Variants in ADCK1 observed in about 807,000 individuals in gnomAD.
ADCK1 encodes aarF domain containing kinase 1.
Under a neutral mutation model 52.3 loss-of-function variants are expected in ADCK1, and 41 were observed. The observed-to-expected ratio is 0.78, with a 90% CI of 0.61 to 1.02. ADCK1 has a LOEUF of 1.02. Ranked by LOEUF, ADCK1 falls within the 50% of genes least tolerant of loss-of-function variation. The pLI, the probability that ADCK1 is intolerant of heterozygous loss-of-function variation, is 0.00. For missense variants in ADCK1, 658 were observed against 679.5 expected (o/e 0.97, Z 0.35); for synonymous variants, 250 against 274.6 (o/e 0.91, Z 0.89).
intron 4 of ADCK1, among the ~76,000 whole-genome samples, chr14:77,871,549 G>C (rs943984399): frequency 1.3e-5 from 2 of 152,068 alleles, no homozygotes; most frequent in East Asian, 3.9e-4. Flanking sequence ...GTAGAGACAG[G>C]GTTTCTCCAT....
chr14:77,808,428 T>G (rs2081273276), intron 1 of ADCK1, among the ~76,000 whole-genome samples: 1 of 152,176 alleles, frequency 6.6e-6, no homozygotes, highest in Non-Finnish European at 1.5e-5. Context: ...AAGGCAGATT[T>G]CTGGATCAAT....
intron 1 of ADCK1, among the ~76,000 whole-genome samples, chr14:77,817,960 G>C (rs932246550): frequency 5.9e-5 from 9 of 151,332 alleles, no homozygotes; most frequent in South Asian, 2.1e-4. Context: ...GGATGGTCTT[G>C]ATCTCCTGAC....
chr14:77,918,624 C>T (rs1033012930), intron 7 of ADCK1, among the ~76,000 whole-genome samples: 4 of 152,146 alleles, frequency 2.6e-5, no homozygotes, highest in African/African-American at 9.7e-5. Context: ...GGGCTGGCTT[C>T]CCTCTTCTGG....
chr14:77,862,574 T>C (rs1230436192), intron 4 of ADCK1, among the ~76,000 whole-genome samples: 1 of 152,210 alleles, frequency 6.6e-6, no homozygotes, highest in Non-Finnish European at 1.5e-5. Flanking sequence ...CACGAGGCTG[T>C]TGACCACCCT....
Position 77,872,382 on chromosome 14 carries a change from G to A in ADCK1, c.423+13103G>A, listed in dbSNP as rs568379029. On this transcript the variant is annotated intron_variant, in intron 4 of 10. Transcript: ENST00000238561. ...ACCCGAGAGATCTGTCTGCGAGGTTGGGCGGGGCCAGCACCTTTCCTCTGA... is the reference window on the plus strand; with the variant it reads ...ACCCGAGAGATCTGTCTGCGAGGTTAGGCGGGGCCAGCACCTTTCCTCTGA... Among the ~76,000 whole-genome samples, 5 of 152,322 alleles carry A rather than the reference G, an allele frequency of 3.3e-5. No homozygotes were observed. The South Asian group carries it at 8.3e-4, about 25-fold the overall frequency.
At chr14:77,849,997 C>A (rs57583194) in intron 3 of ADCK1, among the ~76,000 whole-genome samples, 15 of 151,962 alleles carry the variant, frequency 9.9e-5, no homozygotes, top group Middle Eastern at 3.4e-3. Context: ...GCCTGGGCAA[C>A]ATAGTGAGAC....
rs1451303049 is a variant in ADCK1, at chr14:77,813,777, T to TG, written c.-11-5190dup. Among the ~76,000 whole-genome samples the TG allele has an allele frequency of 1.4e-3, 205 of 151,678 alleles. 1 individual carries two copies. The highest frequency in any genetic ancestry group is 4.5e-3 in the African/African-American group (185 of 41,310). Reference sequence around the variant, plus strand: ...TCTCTTTGTTTTCCTGTTTTTTTTTTGTTTTTTTTTTGAGGAGTCTCATGC... The same window carrying TG: ...TCTCTTTGTTTTCCTGTTTTTTTTTTGGTTTTTTTTTTGAGGAGTCTCATGC... On this transcript the variant is annotated intron_variant, in intron 1 of 10. Transcript: ENST00000238561.
At chr14:77,885,846 G>A (rs1566700901) in intron 4 of ADCK1, among the ~76,000 whole-genome samples, 1 of 152,198 alleles carries the variant, frequency 6.6e-6, no homozygotes, top group Non-Finnish European at 1.5e-5. Context: ...TTTCAGCCTT[G>A]GCCAATCTTG....
Position 77,841,783 on chromosome 14 carries a change from G to A in ADCK1, c.220-17293G>A, listed in dbSNP as rs2082073077. ...AGCTTGAACTTGGGAGATGGAGGTT[G>A]CACTGAGCCGAGATCACACCACTGC... is the stretch of plus-strand genomic sequence containing the variant. On this transcript the variant is annotated intron_variant, in intron 3 of 10. Coordinates refer to ENST00000238561, the MANE Select transcript of ADCK1 (RefSeq NM_020421.4). 2.7e-5 allele frequency among the ~76,000 whole-genome samples: 4 copies of A among 147,006 alleles called. No homozygotes were observed. The South Asian group carries it at 8.6e-4, about 32-fold the overall frequency.
At chr14:77,858,057 C>T (rs1294064032) in intron 3 of ADCK1, among the ~76,000 whole-genome samples, 3 of 152,110 alleles carry the variant, frequency 2.0e-5, no homozygotes, top group Non-Finnish European at 4.4e-5. Flanking sequence ...GGTGAGCATC[C>T]GGATGTTAAT....
At chr14:77,905,292 C>T (rs770809537) in intron 6 of ADCK1, among the ~76,000 whole-genome samples, 20 of 121,932 alleles carry the variant, frequency 1.6e-4, no homozygotes, top group Non-Finnish European at 3.5e-4. Flanking sequence ...ACCTGTGACT[C>T]TTTCCTAGCT....
intron 4 of ADCK1, 49 bp from the exon 5 acceptor site, chr14:77,887,042 C>G (rs148365343): frequency 5.4e-6 from 8 of 1,494,586 alleles, no homozygotes; most frequent in East Asian, 2.4e-5. Flanking sequence ...CTCCCTCTCA[C>G]TGAACTGGGT....
chr14:77,882,750 G>A (rs2083056167), intron 4 of ADCK1, among the ~76,000 whole-genome samples: 1 of 152,196 alleles, frequency 6.6e-6, no homozygotes. Flanking sequence ...GCTGCTCAGT[G>A]TGGCAGTTTG....
chr14:77,864,878 T>G (rs1350210487), intron 4 of ADCK1, among the ~76,000 whole-genome samples: 1 of 152,198 alleles, frequency 6.6e-6, no homozygotes, highest in African/African-American at 2.4e-5. Flanking sequence ...GCAGAATTCC[T>G]TCTTGCTTGG....
intron 9 of ADCK1, among the ~76,000 whole-genome samples, chr14:77,929,714 T>C (rs1406917598): frequency 6.6e-6 from 1 of 152,126 alleles, no homozygotes; most frequent in East Asian, 1.9e-4. Flanking sequence ...TTGTCTAGGC[T>C]GGAGTGCAGT....
chr14:77,891,047 G>C (rs1469338637), intron 5 of ADCK1, among the ~76,000 whole-genome samples: 1 of 152,192 alleles, frequency 6.6e-6, no homozygotes, highest in Non-Finnish European at 1.5e-5. Flanking sequence ...GGGTACAGAT[G>C]AGTGTGTGGG....
intron 3 of ADCK1, among the ~76,000 whole-genome samples, chr14:77,828,886 G>A (rs751665707): frequency 6.6e-6 from 1 of 151,186 alleles, no homozygotes; most frequent in Non-Finnish European, 1.5e-5. Context: ...TGGGGTCTAT[G>A]TCCCATATAT....
rs10141176 is a variant in ADCK1 at position 77,884,503 on chromosome 14, C to T, written c.424-2588C>T. Among the ~76,000 whole-genome samples, 519 of 152,224 alleles carry T rather than the reference C, an allele frequency of 3.4e-3. 3 individuals are homozygous for T. The highest frequency in any genetic ancestry group is 0.012 in the African/African-American group (481 of 41,520). On this transcript the variant is annotated intron_variant, in intron 4 of 10. Transcript: ENST00000238561. ...CCAGGTCTGTGTTTTTTTCACTTAT[C>T]CCTGCTGGGGCCTGAGAACACTATA...
At chr14:77,832,389 C>G (rs4899678) in intron 3 of ADCK1, among the ~76,000 whole-genome samples, 2 of 152,100 alleles carry the variant, frequency 1.3e-5, no homozygotes, top group Non-Finnish European at 2.9e-5. Context: ...TATACTCTGT[C>G]GTTTCCCTGT....
Sources: allele counts gnomAD v4.1 joint callset (sites outside exome capture counted in the v4.1 genomes callset), GRCh38; gene constraint gnomAD v4.1.1; transcripts MANE v1.5; gene names NCBI Gene and HGNC (gene_info 2026-07-23, HGNC 2026-07-21).